RUNDC3B: variants seen among roughly 807,000 people sequenced by gnomAD.
RUNDC3B encodes RUN domain-containing protein 3B.
Under a neutral mutation model 58.4 loss-of-function variants are expected in RUNDC3B, and 33 were observed. The observed-to-expected ratio is 0.56, with a 90% CI of 0.43 to 0.75. The LOEUF is 0.75. Among genes scored for constraint, RUNDC3B ranks in the 30% least tolerant of loss-of-function variants. RUNDC3B has a pLI of 0.00. For missense variants in RUNDC3B, 501 were observed against 535.7 expected (o/e 0.94, Z 0.64); for synonymous variants, 193 against 195.2 (o/e 0.99, Z 0.10).
In RUNDC3B at chr7:87,776,706, A is replaced by C. The variant is rs187871172; in HGVS notation, c.799-1092A>C. 1.2e-3 allele frequency among the ~76,000 whole-genome samples: 188 copies of C among 152,132 alleles called. 2 individuals are homozygous for C. Among genetic ancestry groups the C allele is most frequent in the African/African-American group, 4.3e-3 (179 of 41,560 alleles). ...TATATATGAAATATTCATTTATAAAAATTAACTTTAACTTCTGAGATTTTA... is the reference window on the plus strand; with the variant it reads ...TATATATGAAATATTCATTTATAAACATTAACTTTAACTTCTGAGATTTTA... On this transcript the variant is annotated intron_variant, in intron 7 of 10. Transcript: ENST00000394654.
Position 87,830,861 on chromosome 7 carries a change from T to G in RUNDC3B, c.*831T>G, listed in dbSNP as rs1315305760. On this transcript the variant is annotated 3_prime_UTR_variant, in exon 11 of 11. Transcript: ENST00000394654. ...TGCCAGGAAAGAGTTCAAGTTCAGT[T>G]AAGGATTTGAGAGGCTTTTAAACAA... 1 of 151,712 alleles carries G rather than the reference T, an allele frequency of 6.6e-6. No individual in the cohort carries two copies. The highest frequency in any genetic ancestry group is 1.5e-5 in the Non-Finnish European group (1 of 67,836). The allele number at this position is 151,712 out of a possible 1,614,324, so 9.4% of individuals were successfully genotyped here. A position where few individuals can be genotyped will look rare whatever the true frequency, so the allele number is the denominator to read the frequency against.
intron 8 of RUNDC3B, among the ~76,000 whole-genome samples, chr7:87,799,185 T>A (rs888497847): frequency 1.3e-5 from 2 of 152,210 alleles, no homozygotes; most frequent in African/African-American, 4.8e-5. Flanking sequence ...GTATGGTGAG[T>A]CAGGCCCAGT....
chr7:87,696,062 G>A (rs1192888585), intron 2 of RUNDC3B, among the ~76,000 whole-genome samples: 1 of 152,130 alleles, frequency 6.6e-6, no homozygotes, highest in Non-Finnish European at 1.5e-5. Flanking sequence ...GGATTGATGG[G>A]ATGGGAATAT....
Position 87,807,493 on chromosome 7 carries a change from C to A in RUNDC3B, c.1077C>A (p.Tyr359Ter). 1 of 1,613,506 alleles carries A rather than the reference C, an allele frequency of 6.2e-7. No homozygotes were observed. The highest frequency in any genetic ancestry group is 8.5e-7 in the Non-Finnish European group (1 of 1,179,520). ...VNAVALDTLL[Y>*]RKHNKQWYEK... ...CTGTTGCCTTGGATACGTTGCTTTA[C>A]CGAAAACACAATAAACAGTGGTATG... Residue 359 changes from tyrosine (Y) to a stop codon, truncating the protein, a stop_gained, in exon 9 of 11, where the codon TAC becomes TAA. Transcript: ENST00000394654. LOFTEE classifies it high-confidence loss of function.
chr7:87,703,915 T>TTTTTTTTTTTTTTTTTTTTTTTTTTTTG (rs1563147558), intron 3 of RUNDC3B, among the ~76,000 whole-genome samples: 10 of 18,526 alleles, frequency 5.4e-4, no homozygotes, highest in Non-Finnish European at 8.8e-4. Context: ...TTTTTTTTGG[T>TTTTTTTTTTTTTTTTTTTTTTTTTTTTG]TTTTTTTTTT....
At chr7:87,790,454 A>G (rs1285760938) in intron 8 of RUNDC3B, among the ~76,000 whole-genome samples, 4 of 152,188 alleles carry the variant, frequency 2.6e-5, no homozygotes, top group Non-Finnish European at 5.9e-5. Context: ...GTCTACAAAC[A>G]TCAGACCATC....
intron 4 of RUNDC3B, among the ~76,000 whole-genome samples, chr7:87,739,051 G>T (rs1407997339): frequency 1.3e-5 from 2 of 151,806 alleles, no homozygotes; most frequent in Non-Finnish European, 2.9e-5. Flanking sequence ...CGTTTTAAAA[G>T]AAGTAGATTA....
chr7:87,662,832 C>T (rs1027192855), intron 2 of RUNDC3B, among the ~76,000 whole-genome samples: 5 of 151,964 alleles, frequency 3.3e-5, no homozygotes, highest in African/African-American at 1.2e-4. Flanking sequence ...AATATGTATA[C>T]TGCTTTGAGT....
At chr7:87,775,767 C>G (rs1043191801) in intron 7 of RUNDC3B, among the ~76,000 whole-genome samples, 1 of 152,012 alleles carries the variant, frequency 6.6e-6, no homozygotes, top group African/African-American at 2.4e-5. Context: ...CCTACAGTAC[C>G]CAGTATAGTA....
At chr7:87,752,359 A>G (rs57617360) in intron 6 of RUNDC3B, among the ~76,000 whole-genome samples, 21,703 of 151,700 alleles carry the variant, frequency 0.14, 2,476 homozygotes, top group African/African-American at 0.32. Context: ...GTCTCTGCCC[A>G]GCTTTGGTAT....
intron 8 of RUNDC3B, among the ~76,000 whole-genome samples, chr7:87,782,307 A>C (rs1354754344): frequency 6.6e-6 from 1 of 152,094 alleles, no homozygotes; most frequent in Non-Finnish European, 1.5e-5. Flanking sequence ...CTGTGGGATT[A>C]GCTGTAATGT....
chr7:87,713,372 A>T (rs1830263847), intron 4 of RUNDC3B: 1 of 152,204 alleles, frequency 6.6e-6, no homozygotes, highest in African/African-American at 2.4e-5. Flanking sequence ...GGCAGGCTTG[A>T]AAGCACTAAT....
chr7:87,705,810 C>T (rs993678561), intron 3 of RUNDC3B, among the ~76,000 whole-genome samples: 1 of 152,162 alleles, frequency 6.6e-6, no homozygotes, highest in Non-Finnish European at 1.5e-5. Context: ...CTGAAAAAAA[C>T]CACTCCCAAT....
intron 2 of RUNDC3B, among the ~76,000 whole-genome samples, chr7:87,691,150 A>C (rs2130645468): frequency 6.6e-6 from 1 of 152,282 alleles, no homozygotes; most frequent in Middle Eastern, 3.4e-3. Context: ...AGTCTTATCA[A>C]GGAAAATTTA....
intron 8 of RUNDC3B, among the ~76,000 whole-genome samples, chr7:87,806,896 T>A (rs1304402121): frequency 3.9e-5 from 6 of 152,142 alleles, no homozygotes; most frequent in African/African-American, 1.4e-4. Context: ...TTTTTTATTT[T>A]ATATTTTTTT....
At chr7:87,796,879 A>G (rs182953203) in intron 8 of RUNDC3B, among the ~76,000 whole-genome samples, 18 of 152,366 alleles carry the variant, frequency 1.2e-4, no homozygotes, top group Admixed American at 7.8e-4. Flanking sequence ...AGGATATACC[A>G]TGGATAATTA....
intron 7 of RUNDC3B, among the ~76,000 whole-genome samples, chr7:87,776,470 G>C (rs1348778929): frequency 6.6e-6 from 1 of 151,990 alleles, no homozygotes; most frequent in African/African-American, 2.4e-5. Flanking sequence ...ACAACGTATT[G>C]TTTAAGATGA....
intron 7 of RUNDC3B, 126 bp downstream of exon 7, chr7:87,770,875 T>C (rs1247456372): frequency 4.7e-6 from 3 of 640,374 alleles, no homozygotes; most frequent in Non-Finnish European, 7.7e-6. Flanking sequence ...TGTTTTTGAA[T>C]TGTCCTCCTC....
intron 4 of RUNDC3B, 84 bp from the exon 5 acceptor site, chr7:87,739,707 A>G (rs1040385665): frequency 3.3e-5 from 18 of 544,770 alleles, no homozygotes; most frequent in Non-Finnish European, 5.2e-5. Context: ...TCTTCCTACA[A>G]TAGTTTGGGC....
Sources: allele counts gnomAD v4.1 joint callset (sites outside exome capture counted in the v4.1 genomes callset), GRCh38; gene constraint gnomAD v4.1.1; transcripts MANE v1.5; gene names NCBI Gene and HGNC (gene_info 2026-07-23, HGNC 2026-07-21).